The following NALF1 variants were observed in gnomAD, a reference collection of about 807,000 sequenced individuals.
The protein encoded by NALF1 is family with sequence similarity 155 member A.
A neutral mutation model predicts 48.4 loss-of-function variants in NALF1; 3 were observed. The observed-to-expected ratio is 0.06, with a 90% CI of 0.03 to 0.16. The LOEUF (loss-of-function observed/expected upper bound fraction) is 0.16, where lower values mean the gene tolerates loss of function less well. NALF1 is among the 10% of genes least tolerant of loss of function. The pLI is 1.00. For synonymous variants in NALF1, 262 were observed against 245.7 expected, an observed-to-expected ratio of 1.07 and a Z score of -0.62; for missense variants, 526 against 571.5, an observed-to-expected ratio of 0.92 and a Z score of 0.81.
chr13:107,499,664 T>C (rs1875452430), intron 1 of NALF1, among the ~76,000 whole-genome samples: 1 of 152,226 alleles, frequency 6.6e-6, no homozygotes, highest in African/African-American at 2.4e-5. Context: ...TTAAGGACAT[T>C]GTAAAGAAGG....
At chr13:107,300,103 G>A (rs901277010) in intron 1 of NALF1, among the ~76,000 whole-genome samples, 3 of 152,192 alleles carry the variant, frequency 2.0e-5, no homozygotes, top group Non-Finnish European at 4.4e-5. Flanking sequence ...ATGTGGTCAC[G>A]AGTTCCTAAA....
intron 1 of NALF1, among the ~76,000 whole-genome samples, chr13:107,727,433 A>C (rs560045733): frequency 3.3e-4 from 50 of 151,994 alleles, no homozygotes; most frequent in African/African-American, 1.1e-3. Flanking sequence ...GCTGCTGTAC[A>C]CCCCTCTAGG....
intron 1 of NALF1, among the ~76,000 whole-genome samples, chr13:107,686,097 C>A (rs1881427661): frequency 6.6e-6 from 1 of 152,168 alleles, no homozygotes; most frequent in Non-Finnish European, 1.5e-5. Context: ...CGGGGGCCAG[C>A]CTCTGAAATG....
At chr13:107,360,819 T>G (rs1270106469) in intron 1 of NALF1, among the ~76,000 whole-genome samples, 2 of 152,176 alleles carry the variant, frequency 1.3e-5, no homozygotes, top group Non-Finnish European at 2.9e-5. Flanking sequence ...AAGTATTTTC[T>G]AATCTATAGC....
intron 1 of NALF1, among the ~76,000 whole-genome samples, chr13:107,448,824 C>T (rs1884694549): frequency 6.6e-6 from 1 of 152,144 alleles, no homozygotes; most frequent in Non-Finnish European, 1.5e-5. Context: ...ATATCCTTCC[C>T]TATGGTTTAT....
At chr13:107,226,916 C>T (rs1880118603) in intron 1 of NALF1, among the ~76,000 whole-genome samples, 1 of 152,194 alleles carries the variant, frequency 6.6e-6, no homozygotes, top group Admixed American at 6.5e-5. Flanking sequence ...CTGATGCGCC[C>T]AGACATTGGG....
intron 1 of NALF1, among the ~76,000 whole-genome samples, chr13:107,601,364 A>G (rs1878920877): frequency 6.6e-6 from 1 of 152,134 alleles, no homozygotes; most frequent in Non-Finnish European, 1.5e-5. Flanking sequence ...CTCTTTTTAA[A>G]AGAGAATTGT....
intron 1 of NALF1, among the ~76,000 whole-genome samples, chr13:107,819,959 G>T (rs950558297): frequency 3.3e-5 from 5 of 152,002 alleles, no homozygotes; most frequent in African/African-American, 1.2e-4. Flanking sequence ...CTTCTCCAAC[G>T]ATGTATTCAT....
chr13:107,223,634 T>C (rs1880039056), intron 1 of NALF1, among the ~76,000 whole-genome samples: 1 of 152,164 alleles, frequency 6.6e-6, no homozygotes, highest in African/African-American at 2.4e-5. Context: ...AATTCCTCCC[T>C]AAAACATTTT....
intron 1 of NALF1, among the ~76,000 whole-genome samples, chr13:107,730,568 T>C (rs1337185030): frequency 6.6e-6 from 1 of 152,224 alleles, no homozygotes; most frequent in East Asian, 1.9e-4. Context: ...TCCAAACTAA[T>C]ACTTGCTTTT....
chr13:107,461,519 A>G (rs1167616523), intron 1 of NALF1, among the ~76,000 whole-genome samples: 5 of 152,218 alleles, frequency 3.3e-5, no homozygotes, highest in South Asian at 2.1e-4. Flanking sequence ...TACTCTCTAT[A>G]TAAATTCTCT....
intron 1 of NALF1, among the ~76,000 whole-genome samples, chr13:107,689,044 C>T (rs969728072): frequency 6.6e-6 from 1 of 152,198 alleles, no homozygotes; most frequent in African/African-American, 2.4e-5. Flanking sequence ...TCTGCTCTGT[C>T]ATGGACTGGA....
At chr13:107,292,380 T>C (rs1881639397) in intron 1 of NALF1, among the ~76,000 whole-genome samples, 1 of 152,226 alleles carries the variant, frequency 6.6e-6, no homozygotes, top group South Asian at 2.1e-4. Flanking sequence ...TTAAACTTTT[T>C]TTCTCTTTTG....
At chr13:107,575,737 G>T (rs1019874726) in intron 1 of NALF1, among the ~76,000 whole-genome samples, 6 of 152,044 alleles carry the variant, frequency 3.9e-5, no homozygotes, top group Non-Finnish European at 8.8e-5. Flanking sequence ...GAGAGGGTGT[G>T]TGAAAAAATC....
At chr13:107,235,042 C>T (rs1454468965) in intron 1 of NALF1, among the ~76,000 whole-genome samples, 1 of 152,164 alleles carries the variant, frequency 6.6e-6, no homozygotes, top group Non-Finnish European at 1.5e-5. Context: ...ATAGGAAAGC[C>T]TGAAAATATC....
At chr13:107,791,008 A>T (rs1268288882) in intron 1 of NALF1, among the ~76,000 whole-genome samples, 2 of 152,164 alleles carry the variant, frequency 1.3e-5, no homozygotes, top group Non-Finnish European at 2.9e-5. Context: ...AAAACTACCC[A>T]CAAACCTAAA....
intron 1 of NALF1, among the ~76,000 whole-genome samples, chr13:107,518,177 A>G (rs1185790569): frequency 6.6e-6 from 1 of 152,210 alleles, no homozygotes; most frequent in Non-Finnish European, 1.5e-5. Flanking sequence ...GTTAATTTTC[A>G]TTGTCTGATT....
At chr13:107,486,911 T>A (rs1461650696) in intron 1 of NALF1, among the ~76,000 whole-genome samples, 2 of 152,166 alleles carry the variant, frequency 1.3e-5, no homozygotes, top group African/African-American at 4.8e-5. Context: ...TACAAAGACT[T>A]CACTAAGAGT....
At chr13:107,785,218 C>G (rs1008929193) in intron 1 of NALF1, among the ~76,000 whole-genome samples, 27 of 151,736 alleles carry the variant, frequency 1.8e-4, no homozygotes, top group Admixed American at 1.8e-3. Context: ...CCTCCTCTAC[C>G]CAGTACACTT....
Sources: allele counts gnomAD v4.1 joint callset (sites outside exome capture counted in the v4.1 genomes callset), GRCh38; gene constraint gnomAD v4.1.1; transcripts MANE v1.5; gene names NCBI Gene and HGNC (gene_info 2026-07-23, HGNC 2026-07-21).